TRIP10: variants seen among roughly 807,000 people sequenced by gnomAD.
The protein encoded by TRIP10 is cdc42-interacting protein 4.
In TRIP10, 54 loss-of-function variants were observed where a neutral mutation model predicts 80.9. That is an observed-to-expected ratio of 0.67 (90% CI 0.54 to 0.84). The LOEUF is 0.84. TRIP10 is among the 40% of genes least tolerant of loss of function. The probability of loss-of-function intolerance (pLI) is 0.00; values close to 1 mark genes in which losing one functional copy is unlikely to be tolerated. For synonymous variants in TRIP10, 321 were observed against 307.2 expected, an observed-to-expected ratio of 1.04 and a Z score of -0.47; for missense variants, 773 against 815.3, an observed-to-expected ratio of 0.95 and a Z score of 0.63.
Position 6,745,125 on chromosome 19 carries a change from C to CCGGACTGGAGGGAAGGAAGG in TRIP10, c.984+135_984+154dup, listed in dbSNP as rs910746357. 478 of 1,290,046 alleles carry CCGGACTGGAGGGAAGGAAGG rather than the reference C, an allele frequency of 3.7e-4. No individual in the cohort carries two copies. Among genetic ancestry groups the CCGGACTGGAGGGAAGGAAGG allele is most frequent in the East Asian group, 3.3e-3 (125 of 38,180 alleles). 79.9% of individuals were successfully genotyped at this position (1,290,046 alleles called of 1,614,324 possible). A position where few individuals can be genotyped will look rare whatever the true frequency, so the allele number is the denominator to read the frequency against. On this transcript the variant is annotated intron_variant, in intron 9 of 14. Coordinates refer to ENST00000313244, the MANE Select transcript of TRIP10 (RefSeq NM_001288962.2). The surrounding 1 kb of genome is among the most constrained non-coding windows in gnomAD (Gnocchi z 7.2). ...AGGAATTTTCCTCTTGGCTGCCAGC[C>CCGGACTGGAGGGAAGGAAGG]CGGACTGGAGGGAAGGAAGGCGGCC...
chr19:6,741,198 A>T, intron 2 of TRIP10, 27 bp from the exon 3 acceptor site: 1 of 1,612,946 alleles, frequency 6.2e-7, no homozygotes, highest in African/African-American at 1.3e-5. Flanking sequence ...CTGCGGGCTC[A>T]GCCCTCCTAC....
intron 3 of TRIP10, 147 bp from the exon 4 acceptor site, chr19:6,742,820 A>T: frequency 9.2e-7 from 1 of 1,082,548 alleles, no homozygotes; most frequent in Non-Finnish European, 1.3e-6. Flanking sequence ...GGTTGGGGTT[A>T]AGGAATATGG....
chr19:6,750,474 G>T, intron 13 of TRIP10, 38 bp from the exon 14 acceptor site: 1 of 1,613,978 alleles, frequency 6.2e-7, no homozygotes, highest in Non-Finnish European at 8.5e-7. Context: ...AGGGTCCCAG[G>T]AGGGCCTGTC....
At position 6,745,600 on chromosome 19, in the gene TRIP10, T is replaced by C; in HGVS notation, c.985-429T>C. The C allele has an allele frequency of 1.0e-6, 1 of 985,294 alleles. No homozygotes were observed. The highest frequency in any genetic ancestry group is 1.2e-6 in the Non-Finnish European group (1 of 829,908). The allele number at this position is 985,294 out of a possible 1,614,324, so 61.0% of individuals were successfully genotyped here. ...TTTTTGTCCTCTGTGGCCTCTTACCTGTCTGAGACCTTGATTCCTGCATGC... is the reference window on the plus strand; with the variant it reads ...TTTTTGTCCTCTGTGGCCTCTTACCCGTCTGAGACCTTGATTCCTGCATGC... On this transcript the variant is annotated intron_variant, in intron 9 of 14. Coordinates refer to ENST00000313244, the MANE Select transcript of TRIP10 (RefSeq NM_001288962.2). The surrounding 1 kb of genome is among the most constrained non-coding windows in gnomAD (Gnocchi z 7.2).
chr19:6,741,246 G>A lies in TRIP10; in HGVS notation c.162G>A (p.Leu54=), dbSNP rs1454965866. 2.5e-6 allele frequency: 4 copies of A among 1,611,644 alleles called. No individual in the cohort carries two copies. Among genetic ancestry groups the A allele is most frequent in the Non-Finnish European group, 2.5e-6 (3 of 1,178,902 alleles). ...TTAGGAGCCTGGTGAAAAAATATCT[G>A]CCCAAGAGACCTGCCAAGGATGATC... is the stretch of plus-strand genomic sequence containing the variant. The part of the protein sequence containing the change: ...KQLRSLVKKY[L]PKRPAKDDPE... The change falls in exon 3 of 15, where the codon CTG becomes CTA. Residue 54 remains leucine, a synonymous_variant. Coordinates refer to ENST00000313244, the MANE Select transcript of TRIP10 (RefSeq NM_001288962.2).
chr19:6,740,755 T>G, intron 1 of TRIP10: 1 of 509,784 alleles, frequency 2.0e-6, no homozygotes, highest in South Asian at 2.3e-5. Flanking sequence ...TTGGCGGTCC[T>G]ATGTCGGAGA....
chr19:6,743,855 C>T lies in TRIP10; in HGVS notation c.642+19C>T. On this transcript the variant is annotated intron_variant, in intron 7 of 14. Transcript: ENST00000313244. ...ATTCGATGTGAGTGCTCCCAGTTCTCAGACCTACCTTCCCGAAAGCCTCCA... is the reference window on the plus strand; with the variant it reads ...ATTCGATGTGAGTGCTCCCAGTTCTTAGACCTACCTTCCCGAAAGCCTCCA... 3.7e-6 allele frequency: 6 copies of T among 1,612,744 alleles called. No homozygotes were observed. Among genetic ancestry groups the T allele is most frequent in the East Asian group, 2.2e-5 (1 of 44,870 alleles).
Position 6,745,585 on chromosome 19 carries a change from C to T in TRIP10, c.985-444C>T. The T allele has an allele frequency of 1.0e-6, 1 of 985,240 alleles. No homozygotes were observed. The highest frequency in any genetic ancestry group is 4.7e-5 in the South Asian group (1 of 21,272). 61.0% of individuals were successfully genotyped at this position (985,240 alleles called of 1,614,324 possible). On this transcript the variant is annotated intron_variant, in intron 9 of 14. Coordinates refer to ENST00000313244, the MANE Select transcript of TRIP10 (RefSeq NM_001288962.2). The surrounding 1 kb of genome is among the most constrained non-coding windows in gnomAD (Gnocchi z 7.2). Reference sequence around the variant, plus strand: ...ATTTTTGTTTATTTATTTTTGTCCTCTGTGGCCTCTTACCTGTCTGAGACC... The same window carrying T: ...ATTTTTGTTTATTTATTTTTGTCCTTTGTGGCCTCTTACCTGTCTGAGACC...
In TRIP10 at chr19:6,745,736, A is replaced by G; in HGVS notation, c.985-293A>G. The G allele has an allele frequency of 1.0e-6, 1 of 985,172 alleles. No individual in the cohort carries two copies. The highest frequency in any genetic ancestry group is 1.2e-6 in the Non-Finnish European group (1 of 829,884). 61.0% of individuals were successfully genotyped at this position (985,172 alleles called of 1,614,324 possible). ...ATAACATTCCAGAGACCTAGGAGAT[A>G]CCGGGGGAGTGAGAGTTCTGGCTTT... On this transcript the variant is annotated intron_variant, in intron 9 of 14. Coordinates refer to ENST00000313244, the MANE Select transcript of TRIP10 (RefSeq NM_001288962.2). The surrounding 1 kb of genome is among the most constrained non-coding windows in gnomAD (Gnocchi z 7.2).
chr19:6,745,000 G>A lies in TRIP10; in HGVS notation c.984+6G>A, dbSNP rs1969064485. ...CTTTTGGCAAGAAGAACAAGGTGGG[G>A]GCCGGGACCCTTGGGATGGTGGGGG... On this transcript the variant is annotated splice_donor_region_variant and intron_variant, in intron 9 of 14. Coordinates refer to ENST00000313244, the MANE Select transcript of TRIP10 (RefSeq NM_001288962.2). This position sits in a 1 kb window ranked among gnomAD's most constrained non-coding sequence, Gnocchi z 4.9. 2 of 1,611,980 alleles carry A rather than the reference G, an allele frequency of 1.2e-6. No homozygotes were observed. Among genetic ancestry groups the A allele is most frequent in the Non-Finnish European group, 8.5e-7 (1 of 1,179,178 alleles).
In TRIP10 at chr19:6,746,988, T is replaced by C; in HGVS notation, c.1262+427T>C. Among the ~76,000 whole-genome samples, 1 of 152,074 alleles carries C rather than the reference T, an allele frequency of 6.6e-6. No individual in the cohort carries two copies. Among genetic ancestry groups the C allele is most frequent in the East Asian group, 1.9e-4 (1 of 5,202 alleles). ...TGGTACTCAAAGATCTCCCCAATAATCCCAAGGCCCCGACGGTTTTACAGG... is the reference window on the plus strand; with the variant it reads ...TGGTACTCAAAGATCTCCCCAATAACCCCAAGGCCCCGACGGTTTTACAGG... On this transcript the variant is annotated intron_variant, in intron 11 of 14. Transcript: ENST00000313244. This position sits in a 1 kb window ranked among gnomAD's most constrained non-coding sequence, Gnocchi z 6.2.
At position 6,739,699 on chromosome 19, in the gene TRIP10, G is replaced by T. The variant is rs2303109; in HGVS notation, c.-63G>T. The T allele has an allele frequency of 0.34, 427,707 of 1,252,902 alleles. 74,499 individuals carry two copies. The highest frequency in any genetic ancestry group is 0.48 in the East Asian group (14,565 of 30,622). 77.6% of individuals were successfully genotyped at this position (1,252,902 alleles called of 1,614,324 possible). On this transcript the variant is annotated 5_prime_UTR_variant, in exon 1 of 15. Transcript: ENST00000313244. ...TCGGCTGAGTCTCCCCGGGGAGGGC[G>T]GCGGGCGGCGGGCGGCGGGGACCGG...
At position 6,746,459 on chromosome 19, in the gene TRIP10, T is replaced by G; in HGVS notation, c.1160T>G (p.Val387Gly). ...CCTCTACCCACCTTGCAGACAGTGG[T>G]GACCGAGGATTTTAGCCACTTGCCC... ...RSLRGSRGTV[V>G]TEDFSHLPPE... The change falls in exon 11 of 15, where the codon GTG becomes GGG. Residue 387 changes from valine (V) to glycine (G), a missense_variant. Transcript: ENST00000313244. The surrounding 1 kb of genome is among the most constrained non-coding windows in gnomAD (Gnocchi z 6.2). 1 of 1,614,066 alleles carries G rather than the reference T, an allele frequency of 6.2e-7. No homozygotes were observed. Among genetic ancestry groups the G allele is most frequent in the Non-Finnish European group, 8.5e-7 (1 of 1,180,006 alleles).
At chr19:6,742,565 G>A (rs901542705) in intron 3 of TRIP10, among the ~76,000 whole-genome samples, 5 of 152,092 alleles carry the variant, frequency 3.3e-5, no homozygotes, top group African/African-American at 1.2e-4. Flanking sequence ...AGCACTTTGG[G>A]AGGGTGAGGC....
chr19:6,743,126 C>T lies in TRIP10; in HGVS notation c.345+12C>T, dbSNP rs1448274791. The T allele has an allele frequency of 3.1e-6, 5 of 1,614,024 alleles. No individual in the cohort carries two copies. The highest frequency in any genetic ancestry group is 1.6e-4 in the Middle Eastern group (1 of 6,084). On this transcript the variant is annotated intron_variant, in intron 4 of 14. Coordinates refer to ENST00000313244, the MANE Select transcript of TRIP10 (RefSeq NM_001288962.2). ...AGGAGAGGAAGATGGTGAGGAGCCC[C>T]CCGATTCAGGTTTTACAAAGGGCTT...
In TRIP10 at chr19:6,746,036, C is replaced by T. The variant is rs1425818916; in HGVS notation, c.992C>T (p.Pro331Leu). The T allele has an allele frequency of 5.0e-6, 6 of 1,189,984 alleles. No individual in the cohort carries two copies. Among genetic ancestry groups the T allele is most frequent in the Non-Finnish European group, 5.6e-6 (5 of 893,130 alleles). The allele number at this position is 1,189,984 out of a possible 1,614,324, so 73.7% of individuals were successfully genotyped here. ...WPFGKKNKPR[P>L]PPLSPLGGPV... is the part of the protein sequence containing the mutation. ...CCCGGCCCCCGCCGGTAGCCTCGCC[C>T]CCCACCCCTCTCCCCCCTGGGGGGC... Residue 331 changes from proline (P) to leucine (L), a missense_variant, in exon 10 of 15, where the codon CCC (proline) becomes CTC (leucine). By Grantham distance (98) the Pro-to-Leu change is moderately conservative. Coordinates refer to ENST00000313244, the MANE Select transcript of TRIP10 (RefSeq NM_001288962.2). This position sits in a 1 kb window ranked among gnomAD's most constrained non-coding sequence, Gnocchi z 6.2.
At chr19:6,750,889 G>A (rs573427261) in intron 14 of TRIP10, 174 bp from the exon 15 acceptor site, 17 of 1,165,874 alleles carry the variant, frequency 1.5e-5, no homozygotes, top group Admixed American at 6.4e-5. Flanking sequence ...CCAGCTACTC[G>A]GGAGGCTGAG....
Position 6,741,213 on chromosome 19 carries a change from G to A in TRIP10, c.141-12G>A. ...CTGCGGGCTCAGCCCTCCTACCTCT[G>A]TCTCCCCTTAGGAGCCTGGTGAAAA... On this transcript the variant is annotated splice_polypyrimidine_tract_variant and intron_variant, in intron 2 of 14. Coordinates refer to ENST00000313244, the MANE Select transcript of TRIP10 (RefSeq NM_001288962.2). 1 of 1,612,926 alleles carries A rather than the reference G, an allele frequency of 6.2e-7. No individual in the cohort carries two copies. The highest frequency in any genetic ancestry group is 1.7e-4 in the Middle Eastern group (1 of 6,056).
chr19:6,747,222 G>A (rs984624972), intron 11 of TRIP10, among the ~76,000 whole-genome samples: 2 of 152,188 alleles, frequency 1.3e-5, no homozygotes, highest in African/African-American at 4.8e-5. Context: ...CACTTGGGAG[G>A]CTGAGGTGGG....
Sources: allele counts gnomAD v4.1 joint callset (sites outside exome capture counted in the v4.1 genomes callset), GRCh38; gene constraint gnomAD v4.1.1; non-coding constraint Gnocchi (gnomAD v3.1); transcripts MANE v1.5; gene names NCBI Gene and HGNC (gene_info 2026-07-23, HGNC 2026-07-21).